Variants in CHRM3 observed in about 807,000 individuals in gnomAD.
CHRM3 encodes the protein cholinergic receptor muscarinic 3.
Under a neutral mutation model 41.8 loss-of-function variants are expected in CHRM3, and 11 were observed. The observed-to-expected ratio is 0.26, with a 90% CI of 0.17 to 0.44. The LOEUF is 0.44. Among genes scored for constraint, CHRM3 ranks in the 20% least tolerant of loss-of-function variants. The pLI is 1.00. For synonymous variants in CHRM3, 297 were observed against 301.4 expected (o/e 0.99, Z 0.15); for missense variants, 571 against 745.4 (o/e 0.77, Z 2.72).
At chr1:239,425,087 G>A (rs1233809614) in intron 1 of CHRM3, among the ~76,000 whole-genome samples, 26 of 152,180 alleles carry the variant, frequency 1.7e-4, no homozygotes, top group Admixed American at 1.7e-3. Context: ...GACAGAAACA[G>A]AGAAGATGGA....
rs535489011 is a variant in CHRM3 at position 239,446,223 on chromosome 1, C to G, written c.-520-46486C>G. ...GTGTTGCAATTACAGGCGTGAGCCA[C>G]CATGCCTGGCCAGTGTGCACTTTCT... is the stretch of plus-strand genomic sequence containing the variant. On this transcript the variant is annotated intron_variant, in intron 1 of 6. Coordinates refer to ENST00000676153, the MANE Select transcript of CHRM3 (RefSeq NM_001375978.1). Among the ~76,000 whole-genome samples the G allele has an allele frequency of 4.6e-5, 7 of 152,236 alleles. No homozygotes were observed. The East Asian group carries it at 1.2e-3, about 25-fold the overall frequency.
At chr1:239,414,604 G>C (rs925185230) in intron 1 of CHRM3, among the ~76,000 whole-genome samples, 1 of 152,234 alleles carries the variant, frequency 6.6e-6, no homozygotes, top group Non-Finnish European at 1.5e-5. Context: ...TGAAAAGCTA[G>C]TCTAGCATAG....
chr1:239,412,506 C>T (rs1055599806), intron 1 of CHRM3, among the ~76,000 whole-genome samples: 65 of 149,468 alleles, frequency 4.3e-4, no homozygotes, highest in Admixed American at 8.1e-4. Context: ...CAGAGTTCCT[C>T]AGTCTCATTA....
chr1:239,681,713 A>G (rs1658584879), intron 5 of CHRM3, among the ~76,000 whole-genome samples: 1 of 152,124 alleles, frequency 6.6e-6, no homozygotes, highest in South Asian at 2.1e-4. Context: ...AGCTGAACGT[A>G]GTGACATCCT....
intron 1 of CHRM3, among the ~76,000 whole-genome samples, chr1:239,399,474 G>A (rs549324115): frequency 1.3e-5 from 2 of 151,442 alleles, no homozygotes; most frequent in East Asian, 2.0e-4. Context: ...ATGAAACTTT[G>A]TACCTTTTGA....
intron 3 of CHRM3, among the ~76,000 whole-genome samples, chr1:239,561,476 A>T (rs1660850776): frequency 6.6e-6 from 1 of 151,942 alleles, no homozygotes; most frequent in African/African-American, 2.4e-5. Context: ...TTCAAGATTC[A>T]CTGGAAGTTC....
intron 1 of CHRM3, among the ~76,000 whole-genome samples, chr1:239,451,248 A>G (rs1019205953): frequency 2.3e-4 from 35 of 152,308 alleles, no homozygotes; most frequent in African/African-American, 8.2e-4. Context: ...TGCCCAGTGA[A>G]CCAACCACAC....
intron 2 of CHRM3, among the ~76,000 whole-genome samples, chr1:239,542,090 C>T (rs1158670685): frequency 6.6e-6 from 1 of 152,028 alleles, no homozygotes; most frequent in African/African-American, 2.4e-5. Flanking sequence ...TGTCTGTCTT[C>T]CCCCGGAGAT....
intron 5 of CHRM3, among the ~76,000 whole-genome samples, chr1:239,746,930 G>A (rs1249815079): frequency 6.6e-6 from 1 of 151,788 alleles, no homozygotes; most frequent in Non-Finnish European, 1.5e-5. Context: ...GCTAATTTTT[G>A]TATTTTTAGT....
intron 2 of CHRM3, among the ~76,000 whole-genome samples, chr1:239,531,629 T>A (rs1670411406): frequency 7.1e-6 from 1 of 141,324 alleles, no homozygotes; most frequent in Non-Finnish European, 1.5e-5. Flanking sequence ...AACTAATCTC[T>A]CTAGAATGGA....
chr1:239,602,127 T>TAC (rs367628946), intron 3 of CHRM3, among the ~76,000 whole-genome samples: 5,576 of 132,574 alleles, frequency 0.042, 361 homozygotes, highest in African/African-American at 0.13. Context: ...TATATATATA[T>TAC]ATATATATAT....
chr1:239,783,581 C>T (rs1668666257), intron 5 of CHRM3, among the ~76,000 whole-genome samples: 12 of 152,092 alleles, frequency 7.9e-5, no homozygotes, highest in Admixed American at 7.9e-4. Flanking sequence ...GTCAAACAAT[C>T]AAATGCATGA....
intron 1 of CHRM3, among the ~76,000 whole-genome samples, chr1:239,422,059 G>C (rs1661995299): frequency 6.6e-6 from 1 of 152,132 alleles, no homozygotes; most frequent in South Asian, 2.1e-4. Flanking sequence ...TGTTAGCTGA[G>C]AGATAATAAA....
At chr1:239,713,101 C>G (rs542547658) in intron 5 of CHRM3, among the ~76,000 whole-genome samples, 1 of 152,146 alleles carries the variant, frequency 6.6e-6, no homozygotes, top group Non-Finnish European at 1.5e-5. Context: ...ACTGTGTCAA[C>G]GTACTTCATG....
chr1:239,580,170 A>C (rs1007816588), intron 3 of CHRM3, among the ~76,000 whole-genome samples: 2 of 151,894 alleles, frequency 1.3e-5, no homozygotes, highest in Non-Finnish European at 1.5e-5. Flanking sequence ...GAATTTGTGA[A>C]TACAAAGATG....
intron 2 of CHRM3, among the ~76,000 whole-genome samples, chr1:239,524,606 G>A (rs1669870232): frequency 6.6e-6 from 1 of 152,020 alleles, no homozygotes; most frequent in Non-Finnish European, 1.5e-5. Flanking sequence ...TTTATAACCT[G>A]AGCATGAAAA....
chr1:239,639,347 C>T (rs962904448), intron 4 of CHRM3, among the ~76,000 whole-genome samples: 54 of 152,286 alleles, frequency 3.5e-4, no homozygotes, highest in African/African-American at 1.3e-3. Flanking sequence ...CTATAAATTA[C>T]CTTGGACAGT....
chr1:239,602,256 T>A (rs1335180123), intron 3 of CHRM3, among the ~76,000 whole-genome samples: 2 of 151,718 alleles, frequency 1.3e-5, no homozygotes, highest in African/African-American at 4.8e-5. Context: ...CGCCTCAGCC[T>A]CCCGAGTAAT....
At chr1:239,610,378 A>G (rs550339270) in intron 3 of CHRM3, among the ~76,000 whole-genome samples, 41 of 152,108 alleles carry the variant, frequency 2.7e-4, no homozygotes, top group Non-Finnish European at 4.9e-4. Context: ...ACTAGAATTT[A>G]TGCATCTTAT....
Sources: allele counts gnomAD v4.1 joint callset (sites outside exome capture counted in the v4.1 genomes callset), GRCh38; gene constraint gnomAD v4.1.1; transcripts MANE v1.5; gene names NCBI Gene and HGNC (gene_info 2026-07-23, HGNC 2026-07-21).